The following GFRAL variants were observed in gnomAD, a reference collection of about 807,000 sequenced individuals.
The protein encoded by GFRAL is GDNF family receptor alpha-like.
In GFRAL, 36 loss-of-function variants were observed where a neutral mutation model predicts 45.4. That is an observed-to-expected ratio of 0.79 (90% CI 0.61 to 1.05). The LOEUF is 1.05. GFRAL is among the 50% of genes least tolerant of loss of function. The probability of loss-of-function intolerance (pLI) is 0.00; values close to 1 mark genes in which losing one functional copy is unlikely to be tolerated. For missense variants in GFRAL, 507 were observed against 467.5 expected (o/e 1.08, Z -0.78); for synonymous variants, 166 against 154.1 (o/e 1.08, Z -0.57).
chr6:55,383,169 G>T (rs1267140914), intron 6 of GFRAL, among the ~76,000 whole-genome samples: 3 of 151,892 alleles, frequency 2.0e-5, no homozygotes. Context: ...TTAGGTCTGG[G>T]GTAGGGCCTG....
At chr6:55,356,764 T>G (rs1768200728) in intron 5 of GFRAL, among the ~76,000 whole-genome samples, 1 of 151,868 alleles carries the variant, frequency 6.6e-6, no homozygotes, top group African/African-American at 2.4e-5. Flanking sequence ...GCTTTTCTAG[T>G]TCTTTAAGAT....
chr6:55,349,763 G>GTT (rs59006121), intron 3 of GFRAL, among the ~76,000 whole-genome samples: 21 of 138,744 alleles, frequency 1.5e-4, no homozygotes, highest in African/African-American at 1.9e-4. Context: ...TATTCCTTCT[G>GTT]TTTTTTTTTT....
chr6:55,364,239 T>C (rs996431369), intron 6 of GFRAL, among the ~76,000 whole-genome samples: 1 of 151,580 alleles, frequency 6.6e-6, no homozygotes, highest in Non-Finnish European at 1.5e-5. Flanking sequence ...ATGTCTTCTT[T>C]TGAGAAGTGT....
intron 3 of GFRAL, among the ~76,000 whole-genome samples, chr6:55,342,452 T>C (rs1318538510): frequency 3.9e-5 from 6 of 151,978 alleles, no homozygotes; most frequent in Non-Finnish European, 5.9e-5. Context: ...AGAAATAAAA[T>C]ACTTTACAGA....
chr6:55,395,526 G>A (rs970444682), intron 6 of GFRAL, among the ~76,000 whole-genome samples: 34 of 151,328 alleles, frequency 2.2e-4, no homozygotes, highest in African/African-American at 7.8e-4. Flanking sequence ...CTAGATACAG[G>A]CATTTTTTCC....
intron 5 of GFRAL, among the ~76,000 whole-genome samples, chr6:55,356,190 G>A (rs940856839): frequency 1.3e-5 from 2 of 151,766 alleles, no homozygotes; most frequent in African/African-American, 4.8e-5. Flanking sequence ...TACTTTCCTT[G>A]GTATGTCTTG....
intron 6 of GFRAL, among the ~76,000 whole-genome samples, chr6:55,389,987 C>A (rs1261980096): frequency 6.6e-6 from 1 of 152,206 alleles, no homozygotes; most frequent in Non-Finnish European, 1.5e-5. Context: ...AATAACACTG[C>A]TGCATAATAA....
At position 55,359,158 on chromosome 6, in the gene GFRAL, T is replaced by TTATCTATCTATC. The variant is rs1357505659; in HGVS notation, c.952+25_952+26insATCTATCTATCT. ...GTTTCAGTAAGTTCCCCAAATAAAA[T>TTATCTATCTATC]TATCTGTCTATCTATCTATCTATCT... On this transcript the variant is annotated intron_variant, in intron 6 of 8. Coordinates refer to ENST00000340465, the MANE Select transcript of GFRAL (RefSeq NM_207410.2). 2.3e-6 allele frequency: 3 copies of TTATCTATCTATC among 1,325,004 alleles called. No individual in the cohort carries two copies. The highest frequency in any genetic ancestry group is 2.0e-5 in the African/African-American group (1 of 50,704). The allele number at this position is 1,325,004 out of a possible 1,614,324, so 82.1% of individuals were successfully genotyped here.
At chr6:55,350,008 C>T (rs1022309432) in intron 3 of GFRAL, 84 bp from the exon 4 acceptor site, 2 of 783,262 alleles carry the variant, frequency 2.6e-6, no homozygotes, top group Non-Finnish European at 4.5e-6. Context: ...GTGGACTTTA[C>T]TCATTTATAA....
chr6:55,341,971 GA>G (rs1290982146), intron 3 of GFRAL, among the ~76,000 whole-genome samples: 2 of 152,024 alleles, frequency 1.3e-5, no homozygotes, highest in South Asian at 2.1e-4. Context: ...GAAGTTTAGA[GA>G]AAAAAAGAGT....
At chr6:55,384,957 G>A (rs893100126) in intron 6 of GFRAL, among the ~76,000 whole-genome samples, 1 of 151,600 alleles carries the variant, frequency 6.6e-6, no homozygotes, top group Non-Finnish European at 1.5e-5. Flanking sequence ...ATCCTGGAAA[G>A]CATCAGTCTT....
chr6:55,361,779 C>T (rs1392340605), intron 6 of GFRAL, among the ~76,000 whole-genome samples: 1 of 152,004 alleles, frequency 6.6e-6, no homozygotes, highest in Non-Finnish European at 1.5e-5. Context: ...CAGCCTAGCA[C>T]TCTCATGAAT....
chr6:55,389,125 T>G lies in GFRAL; in HGVS notation c.953-10055T>G, dbSNP rs1768715662. Among the ~76,000 whole-genome samples the G allele has an allele frequency of 3.3e-5, 5 of 152,184 alleles. No individual in the cohort carries two copies. The South Asian group carries it at 1.0e-3, about 31-fold the overall frequency. ...ATTTTATGTTAAGTTCAGGGGTACATGTGCAGATTTGTTATACAGGTAGAC... is the reference window on the plus strand; with the variant it reads ...ATTTTATGTTAAGTTCAGGGGTACAGGTGCAGATTTGTTATACAGGTAGAC... On this transcript the variant is annotated intron_variant, in intron 6 of 8. Coordinates refer to ENST00000340465, the MANE Select transcript of GFRAL (RefSeq NM_207410.2).
At chr6:55,377,640 C>T (rs1768553141) in intron 6 of GFRAL, among the ~76,000 whole-genome samples, 1 of 151,942 alleles carries the variant, frequency 6.6e-6, no homozygotes, top group Admixed American at 6.6e-5. Context: ...AGCTCGATAC[C>T]TTGGAGGAAG....
chr6:55,395,175 A>ATATATATATATATATAT (rs1554136792), intron 6 of GFRAL, among the ~76,000 whole-genome samples: 68 of 123,456 alleles, frequency 5.5e-4, no homozygotes, highest in African/African-American at 2.1e-3. Context: ...AAAAAAAAAA[A>ATATATATATATATATAT]ATATATATAT....
rs1288083594 is a variant in GFRAL at position 55,333,821 on chromosome 6, T to G, written c.193T>G (p.Tyr65Asp). ...CCCCTGCAAGATGAGGAATTCATCA[T>G]ACTGTAACCTGAGTATCCAGTACTT... Reference protein sequence around the residue: ...GDPCKMRNSSYCNLSIQYLVE... With the variant: ...GDPCKMRNSSDCNLSIQYLVE... Residue 65 changes from tyrosine (Y) to aspartate (D), a missense_variant, in exon 3 of 9, where the codon TAC becomes GAC. By Grantham distance (160) the Tyr-to-Asp change is radical (BLOSUM62 -3). Transcript: ENST00000340465. 2 of 1,605,808 alleles carry G rather than the reference T, an allele frequency of 1.2e-6. No homozygotes were observed. Among genetic ancestry groups the G allele is most frequent in the African/African-American group, 2.7e-5 (2 of 74,548 alleles).
In GFRAL at chr6:55,350,089, T is replaced by C. The variant is rs1562052547; in HGVS notation, c.317-3T>C. The C allele has an allele frequency of 2.7e-6, 4 of 1,500,186 alleles. No individual in the cohort carries two copies. Among genetic ancestry groups the C allele is most frequent in the Non-Finnish European group, 2.8e-6 (3 of 1,078,830 alleles). The allele number at this position is 1,500,186 out of a possible 1,614,324, so 92.9% of individuals were successfully genotyped here. ...TGAAATAATTTCTTTGTTTTCCTTC[T>C]AGATAACGTGAAAGAGGATAAATTC... is the stretch of plus-strand genomic sequence containing the variant. On this transcript the variant is annotated splice_region_variant and splice_polypyrimidine_tract_variant and intron_variant, in intron 3 of 8. Coordinates refer to ENST00000340465, the MANE Select transcript of GFRAL (RefSeq NM_207410.2).
intron 3 of GFRAL, among the ~76,000 whole-genome samples, chr6:55,344,920 A>G (rs1768018376): frequency 6.6e-6 from 1 of 152,224 alleles, no homozygotes; most frequent in African/African-American, 2.4e-5. Flanking sequence ...GAGCCAAATC[A>G]TGAGTGAACT....
chr6:55,350,264 T>A, intron 4 of GFRAL, 119 bp downstream of exon 4: 2 of 617,032 alleles, frequency 3.2e-6, no homozygotes, highest in Non-Finnish European at 5.7e-6. Flanking sequence ...TTAACAGTTC[T>A]AATATAATAA....
Sources: gnomAD v4.1 joint callset for allele counts (sites outside exome capture counted in the v4.1 genomes callset) on GRCh38, gnomAD v4.1.1 for gene constraint, MANE v1.5 for transcripts, NCBI Gene and HGNC (gene_info 2026-07-23, HGNC 2026-07-21) for gene names.